Variants in SEC31A observed in about 807,000 individuals in gnomAD.
SEC31A encodes SEC31 homolog A, COPII component, also known as protein transport protein Sec31A.
In SEC31A, 70 loss-of-function variants were observed where a neutral mutation model predicts 151.0. The observed-to-expected ratio is 0.46, with a 90% CI of 0.38 to 0.57. SEC31A has a LOEUF of 0.57. SEC31A is among the 20% of genes least tolerant of loss of function. The pLI is 0.00. For missense variants in SEC31A, 1,330 were observed against 1,471.2 expected, an observed-to-expected ratio of 0.90 and a Z score of 1.57; for synonymous variants, 475 against 505.9, an observed-to-expected ratio of 0.94 and a Z score of 0.82.
At chr4:82,832,360 A>G (rs1456232384) in intron 22 of SEC31A, among the ~76,000 whole-genome samples, 1 of 152,210 alleles carries the variant, frequency 6.6e-6, no homozygotes, top group Non-Finnish European at 1.5e-5. Flanking sequence ...AGCCATATGC[A>G]GAAAACTGAA....
intron 7 of SEC31A, among the ~76,000 whole-genome samples, chr4:82,871,115 G>A (rs1736553967): frequency 6.6e-6 from 1 of 152,166 alleles, no homozygotes. Flanking sequence ...GAGCCCAGAG[G>A]CTCATGGCTG....
chr4:82,853,480 G>C (rs1731885580), intron 18 of SEC31A, 90 bp downstream of exon 18: 1 of 1,150,652 alleles, frequency 8.7e-7, no homozygotes, highest in Non-Finnish European at 1.2e-6. Context: ...TGAATGTATA[G>C]AAAAAATGAA....
At chr4:82,821,162 A>G (rs537134702) in intron 25 of SEC31A, 54 bp from the exon 26 acceptor site, 14 of 1,385,236 alleles carry the variant, frequency 1.0e-5, no homozygotes, top group East Asian at 9.2e-5. Context: ...TTAACCTAAG[A>G]ACTTGCCCTA....
chr4:82,824,725 T>C, intron 24 of SEC31A, 51 bp from the exon 25 acceptor site: 4 of 1,587,800 alleles, frequency 2.5e-6, no homozygotes, highest in Non-Finnish European at 3.4e-6. Flanking sequence ...AGCTACCTTA[T>C]ATACACAATC....
chr4:82,820,643 G>A lies in SEC31A; in HGVS notation c.3483+394C>T, dbSNP rs113651164. 7.3e-3 allele frequency among the ~76,000 whole-genome samples: 1,114 copies of A among 152,254 alleles called. 15 individuals are homozygous for A. Among genetic ancestry groups the A allele is most frequent in the Middle Eastern group, 0.01 (3 of 294 alleles). ...ATAATGGCTATCCTAAAAGAAAAGG[G>A]TCAAGAGTCTTAGACTATGATAAAG... On this transcript the variant is annotated intron_variant, in intron 26 of 26. Transcript: ENST00000395310.
rs139241082 is a variant in SEC31A at position 82,821,740 on chromosome 4, T to C, written c.3412-632A>G. Reference sequence around the variant, plus strand: ...GATAAGGTATATATGCATGTTTGCTTGCACTATATTCACAAGCATCAGGAG... The same window carrying C: ...GATAAGGTATATATGCATGTTTGCTCGCACTATATTCACAAGCATCAGGAG... On this transcript the variant is annotated intron_variant, in intron 25 of 26. Coordinates refer to ENST00000395310, the MANE Select transcript of SEC31A (RefSeq NM_001077207.4). Among the ~76,000 whole-genome samples the C allele has an allele frequency of 3.5e-3, 532 of 152,102 alleles. 4 individuals carry two copies. Among genetic ancestry groups the C allele is most frequent in the African/African-American group, 0.012 (512 of 41,484 alleles).
intron 3 of SEC31A, among the ~76,000 whole-genome samples, chr4:82,897,293 A>G (rs1303378430): frequency 6.6e-6 from 1 of 152,200 alleles, no homozygotes; most frequent in South Asian, 2.1e-4. Flanking sequence ...GAGATTCTAG[A>G]AGTAGAAATA....
intron 1 of SEC31A, 145 bp downstream of exon 1, chr4:82,890,943 G>C: frequency 9.0e-6 from 13 of 1,439,526 alleles, no homozygotes; most frequent in Non-Finnish European, 1.1e-5. Flanking sequence ...CCGAAACCAA[G>C]ACTAGGGGCG....
chr4:82,876,236 G>A (rs938898746), intron 4 of SEC31A, among the ~76,000 whole-genome samples: 1 of 151,084 alleles, frequency 6.6e-6, no homozygotes, highest in Non-Finnish European at 1.5e-5. Flanking sequence ...TCAGCCTCCC[G>A]AGTAGCTAGG....
intron 26 of SEC31A, among the ~76,000 whole-genome samples, chr4:82,820,447 T>A (rs1307810067): frequency 6.6e-6 from 1 of 152,236 alleles, no homozygotes; most frequent in Non-Finnish European, 1.5e-5. Context: ...CTTCTTTTTT[T>A]CTTCTCCTTT....
At position 82,864,371 on chromosome 4, in the gene SEC31A, G is replaced by A; in HGVS notation, c.1425C>T (p.Ser475=). ...SQTEFEKNVW[S]FLKVNFEDDS... Reference sequence around the variant, plus strand: ...TAAACAGCAACTTTACCTTCAAAAAGGACCACACATTTTTCTCAAATTCAG... The same window carrying A: ...TAAACAGCAACTTTACCTTCAAAAAAGACCACACATTTTTCTCAAATTCAG... The change falls in exon 11 of 27, where the codon TCC becomes TCT. Residue 475 remains serine (S), a synonymous_variant. Coordinates refer to ENST00000395310, the MANE Select transcript of SEC31A (RefSeq NM_001077207.4). 2 of 1,610,828 alleles carry A rather than the reference G, an allele frequency of 1.2e-6. No homozygotes were observed. Among genetic ancestry groups the A allele is most frequent in the South Asian group, 1.1e-5 (1 of 90,968 alleles).
rs376688057 is a variant in SEC31A at position 82,848,997 on chromosome 4, C to G, written c.2329-20G>C. 5 of 1,607,912 alleles carry G rather than the reference C, an allele frequency of 3.1e-6. No homozygotes were observed. Among genetic ancestry groups the G allele is most frequent in the Non-Finnish European group, 4.2e-6 (5 of 1,177,168 alleles). On this transcript the variant is annotated intron_variant, in intron 19 of 26. Transcript: ENST00000395310. ...ATTTGGCTAAAAAGGATTGGAAAAA[C>G]AGCAGACTGTTGAGAGTTCACCCAG...
At chr4:82,848,313 C>CAAAA (rs10655108) in intron 20 of SEC31A, among the ~76,000 whole-genome samples, 1 of 142,392 alleles carries the variant, frequency 7.0e-6, no homozygotes. Flanking sequence ...CTAAATTGTC[C>CAAAA]AAAAAAAAAA....
chr4:82,841,439 ATTTTATAT>A (rs1483458032), intron 22 of SEC31A, among the ~76,000 whole-genome samples: 6 of 23,238 alleles, frequency 2.6e-4, no homozygotes, highest in African/African-American at 3.6e-4. Flanking sequence ...GAAAAAAAAA[ATTTTATAT>A]ATATATATAT....
chr4:82,862,097 G>A (rs1427841904), intron 13 of SEC31A, among the ~76,000 whole-genome samples: 2 of 151,076 alleles, frequency 1.3e-5, no homozygotes, highest in South Asian at 2.1e-4. Context: ...ATTTTTAGTA[G>A]AGACAGGGTT....
intron 25 of SEC31A, among the ~76,000 whole-genome samples, chr4:82,822,672 T>C (rs1235872800): frequency 6.6e-6 from 1 of 152,194 alleles, no homozygotes; most frequent in South Asian, 2.1e-4. Context: ...AACCTTACAA[T>C]CCTTGCTCAA....
intron 2 of SEC31A, 102 bp from the exon 3 acceptor site, chr4:82,881,024 T>C: frequency 1.0e-6 from 1 of 972,006 alleles, no homozygotes; most frequent in Non-Finnish European, 1.6e-6. Context: ...CTCTTGCTCA[T>C]GAATGCTGCA....
intron 18 of SEC31A, 63 bp from the exon 19 acceptor site, chr4:82,851,667 A>G (rs1198063747): frequency 1.4e-6 from 2 of 1,399,704 alleles, no homozygotes; most frequent in Non-Finnish European, 2.0e-6. Context: ...GAAGCAGGAA[A>G]AGATCAAGAG....
chr4:82,863,870 T>C (rs1734707052), intron 11 of SEC31A, among the ~76,000 whole-genome samples: 1 of 152,124 alleles, frequency 6.6e-6, no homozygotes, highest in South Asian at 2.1e-4. Flanking sequence ...CAGTACCGTA[T>C]AAAGAAACAG....
Sources: gnomAD v4.1 joint callset for allele counts (sites outside exome capture counted in the v4.1 genomes callset) on GRCh38, gnomAD v4.1.1 for gene constraint, MANE v1.5 for transcripts, NCBI Gene and HGNC (gene_info 2026-07-23, HGNC 2026-07-21) for gene names.